ABCB4: variants seen among roughly 807,000 people sequenced by gnomAD.
ABCB4 encodes ATP binding cassette subfamily B member 4.
In ABCB4, 76 loss-of-function variants were observed where a neutral mutation model predicts 145.7. The ratio of observed to expected loss-of-function variants is 0.52; its 90% CI spans 0.43 to 0.63. The LOEUF (loss-of-function observed/expected upper bound fraction) is 0.63, where lower values mean the gene tolerates loss of function less well. Ranked by LOEUF, ABCB4 falls within the 30% of genes least tolerant of loss-of-function variation. The pLI is 0.00. For missense variants in ABCB4, 1,234 were observed against 1,553.1 expected, an observed-to-expected ratio of 0.79 and a Z score of 3.45; for synonymous variants, 517 against 566.8, an observed-to-expected ratio of 0.91 and a Z score of 1.25.
the ABCB4 span, among the ~76,000 whole-genome samples, chr7:87,392,030 G>A: frequency 6.6e-6 from 1 of 152,152 alleles, no homozygotes; most frequent in Non-Finnish European, 1.5e-5. Flanking sequence ...CCTTTAAAAG[G>A]AAGGTTTTCT....
At position 87,475,437 on chromosome 7, in the gene ABCB4, G is replaced by C. The variant is rs778435955; in HGVS notation, c.29C>G (p.Thr10Arg). MDLEAAKNG[T>R]AWRPTSAEGD... Reference sequence around the variant, plus strand: ...CTCCGCGCTCGTGGGGCGCCAGGCTGTTCCGTTCTTTGCCGCCTCAAGATC... The same window carrying C: ...CTCCGCGCTCGTGGGGCGCCAGGCTCTTCCGTTCTTTGCCGCCTCAAGATC... Residue 10 changes from threonine (T) to arginine (R), a missense_variant, in exon 2 of 28, where the codon ACA becomes AGA. Thr to Arg is a moderately conservative substitution (Grantham distance 71, BLOSUM62 -1). This residue lies in a region of ABCB4 where 77 missense variants were observed against 73.3 expected (regional missense o/e 1.05). Transcript: ENST00000649586. 3 of 1,614,104 alleles carry C rather than the reference G, an allele frequency of 1.9e-6. No homozygotes were observed. Among genetic ancestry groups the C allele is most frequent in the African/African-American group, 1.3e-5 (1 of 74,938 alleles).
the ABCB4 span, among the ~76,000 whole-genome samples, chr7:87,373,107 C>G: frequency 2.6e-5 from 4 of 152,160 alleles, no homozygotes; most frequent in South Asian, 8.3e-4. Context: ...CACATCTTCA[C>G]CAACACTTAT....
chr7:87,404,852 AAACT>A (rs1359131768), intron 26 of ABCB4, among the ~76,000 whole-genome samples: 1 of 152,222 alleles, frequency 6.6e-6, no homozygotes, highest in Non-Finnish European at 1.5e-5. Context: ...GTAAAAATAA[AAACT>A]AATGACAACA....
the ABCB4 span, among the ~76,000 whole-genome samples, chr7:87,389,968 A>T: frequency 6.6e-6 from 1 of 152,032 alleles, no homozygotes; most frequent in Non-Finnish European, 1.5e-5. Flanking sequence ...CATTTGATTG[A>T]TATACCTTAT....
chr7:87,460,263 TTTC>T lies in ABCB4; in HGVS notation c.286+2492_286+2494del, dbSNP rs1270030515. Among the ~76,000 whole-genome samples, 3 of 152,184 alleles carry T rather than the reference TTTC, an allele frequency of 2.0e-5. No individual in the cohort carries two copies. In the East Asian group the frequency reaches 5.8e-4, roughly 29 times the overall value. On this transcript the variant is annotated intron_variant, in intron 4 of 27. Transcript: ENST00000649586. ...TCCAGATGTGGCCTGGGAGTCTGCA[TTTC>T]TTTTTTCTTTTCTTTTTAAAATAAT...
At chr7:87,414,227 G>A (rs188301370) in intron 21 of ABCB4, among the ~76,000 whole-genome samples, 9 of 152,314 alleles carry the variant, frequency 5.9e-5, no homozygotes, top group South Asian at 4.1e-4. Flanking sequence ...CTTTAAATCC[G>A]TGATTAAATC....
At chr7:87,404,414 T>C (rs767692434) in intron 26 of ABCB4, among the ~76,000 whole-genome samples, 1 of 152,094 alleles carries the variant, frequency 6.6e-6, no homozygotes, top group Non-Finnish European at 1.5e-5. Flanking sequence ...ATAAAACTTT[T>C]AGAAAAAAAC....
chr7:87,468,941 TAAATAAAATAAAATA>T (rs376156950), intron 3 of ABCB4, among the ~76,000 whole-genome samples: 9 of 138,934 alleles, frequency 6.5e-5, no homozygotes, highest in South Asian at 2.3e-4. Flanking sequence ...AAAAAATAAA[TAAATAAAATAAAATA>T]AAATAAAATA....
chr7:87,399,373 G>A (rs1213257130), downstream of ABCB4: 1 of 152,416 alleles, frequency 6.6e-6, no homozygotes, highest in African/African-American at 2.4e-5. Flanking sequence ...GCTACTTGAA[G>A]GCTGAGACAG....
the ABCB4 span, among the ~76,000 whole-genome samples, chr7:87,391,124 GC>G: frequency 6.6e-6 from 1 of 152,306 alleles, no homozygotes; most frequent in South Asian, 2.1e-4. Context: ...GTTTTCTGCC[GC>G]TAGGGCCTCT....
chr7:87,466,641 T>C (rs1198049794), intron 3 of ABCB4, among the ~76,000 whole-genome samples: 1 of 152,032 alleles, frequency 6.6e-6, no homozygotes, highest in Admixed American at 6.6e-5. Context: ...GTTAAGAGCA[T>C]GCAGAGAGAA....
the ABCB4 span, among the ~76,000 whole-genome samples, chr7:87,372,489 A>G: frequency 6.6e-6 from 1 of 152,222 alleles, no homozygotes. Context: ...AATTAAACAC[A>G]TGTGCTTCAT....
the ABCB4 span, among the ~76,000 whole-genome samples, chr7:87,378,945 C>T: frequency 3.3e-5 from 5 of 152,140 alleles, no homozygotes; most frequent in Non-Finnish European, 5.9e-5. Flanking sequence ...TGAAAAGTTG[C>T]CACAAGTCAT....
chr7:87,445,013 T>G, intron 9 of ABCB4, 38 bp from the exon 10 acceptor site: 2 of 1,338,536 alleles, frequency 1.5e-6, no homozygotes, highest in Non-Finnish European at 2.1e-6. Flanking sequence ...TAAGTCACAT[T>G]CTGGCATTCA....
At chr7:87,436,814 T>TGAGTATCTGCTATGATTATC (rs1437020531) in intron 14 of ABCB4, among the ~76,000 whole-genome samples, 1 of 152,160 alleles carries the variant, frequency 6.6e-6, no homozygotes, top group Admixed American at 6.5e-5. Context: ...CCTTTTTGAA[T>TGAGTATCTGCTATGATTATC]GAGTATCTGC....
intron 4 of ABCB4, among the ~76,000 whole-genome samples, chr7:87,458,839 A>G (rs1045220130): frequency 1.3e-5 from 2 of 152,162 alleles, no homozygotes; most frequent in Non-Finnish European, 2.9e-5. Context: ...CTACCAAAAC[A>G]AAGTTGGCAA....
chr7:87,415,952 C>T (rs1808942914), intron 21 of ABCB4, among the ~76,000 whole-genome samples: 1 of 152,176 alleles, frequency 6.6e-6, no homozygotes. Flanking sequence ...AACAGAGCTA[C>T]ACAGTGTTTC....
At chr7:87,465,109 G>A (rs1343188714) in intron 3 of ABCB4, among the ~76,000 whole-genome samples, 6 of 152,166 alleles carry the variant, frequency 3.9e-5, no homozygotes, top group Non-Finnish European at 7.3e-5. Flanking sequence ...AAGAGGTCAG[G>A]GAATTCCCTT....
At chr7:87,416,469 C>T (rs1173087573) in intron 21 of ABCB4, among the ~76,000 whole-genome samples, 2 of 152,130 alleles carry the variant, frequency 1.3e-5, no homozygotes, top group African/African-American at 4.8e-5. Context: ...TTATTATCTG[C>T]TTCACTTCCT....
Sources: allele counts gnomAD v4.1 joint callset (sites outside exome capture counted in the v4.1 genomes callset), GRCh38; gene constraint gnomAD v4.1.1; regional missense constraint gnomAD v4.1.1; transcripts MANE v1.5; gene names NCBI Gene and HGNC (gene_info 2026-07-23, HGNC 2026-07-21).